CALN1: variants seen among roughly 807,000 people sequenced by gnomAD.
The protein encoded by CALN1 is calneuron 1.
In CALN1, 17 loss-of-function variants were observed where a neutral mutation model predicts 30.6. The observed-to-expected ratio is 0.56, with a 90% CI of 0.38 to 0.83. The LOEUF (loss-of-function observed/expected upper bound fraction) is 0.83. CALN1 is among the 40% of genes least tolerant of loss of function. The pLI is 0.00. For synonymous variants in CALN1, 156 were observed against 131.4 expected (o/e 1.19, Z -1.28); for missense variants, 291 against 354.9 (o/e 0.82, Z 1.45).
chr7:71,970,118 G>A (rs1797721959), intron 5 of CALN1, among the ~76,000 whole-genome samples: 1 of 152,098 alleles, frequency 6.6e-6, no homozygotes, highest in African/African-American at 2.4e-5. Flanking sequence ...GAAAGTGCTA[G>A]GATTACAGGC....
chr7:72,199,432 A>G (rs1791261382), intron 3 of CALN1, among the ~76,000 whole-genome samples: 1 of 152,320 alleles, frequency 6.6e-6, no homozygotes, highest in East Asian at 1.9e-4. Flanking sequence ...CTGGCCAAGC[A>G]CAGTGGCTCA....
intron 5 of CALN1, among the ~76,000 whole-genome samples, chr7:71,944,654 C>A (rs1747751361): frequency 6.7e-6 from 1 of 148,916 alleles, no homozygotes; most frequent in African/African-American, 2.5e-5. Context: ...AATAATTTAC[C>A]TATTGTGTCT....
chr7:71,956,314 G>A (rs1192080316), intron 5 of CALN1, among the ~76,000 whole-genome samples: 2 of 151,900 alleles, frequency 1.3e-5, no homozygotes, highest in East Asian at 3.9e-4. Flanking sequence ...TAGCAGAAAG[G>A]AACTTTGTTT....
intron 2 of CALN1, among the ~76,000 whole-genome samples, chr7:72,354,833 A>C (rs1225706512): frequency 6.6e-6 from 1 of 152,174 alleles, no homozygotes; most frequent in Non-Finnish European, 1.5e-5. Context: ...AAAGCCGCAA[A>C]ACTTTTAAAG....
chr7:72,445,352 C>G (rs1052968640), intron 1 of CALN1, among the ~76,000 whole-genome samples: 1 of 152,144 alleles, frequency 6.6e-6, no homozygotes, highest in African/African-American at 2.4e-5. Flanking sequence ...ACTCACCCGG[C>G]TAACCATGGC....
the CALN1 span, among the ~76,000 whole-genome samples, chr7:72,457,004 C>CTTTTTTTTTTTTTT: frequency 6.8e-4 from 72 of 106,540 alleles, no homozygotes; most frequent in East Asian, 1.4e-3. Flanking sequence ...TTCTTTCTTT[C>CTTTTTTTTTTTTTT]TTTTTTTTTT....
intron 2 of CALN1, among the ~76,000 whole-genome samples, chr7:72,311,646 C>T (rs1322765182): frequency 7.9e-6 from 1 of 126,058 alleles, no homozygotes; most frequent in East Asian, 2.4e-4. Flanking sequence ...CAACGCCTGG[C>T]TGAGATTTTT....
At chr7:72,317,889 G>A (rs369215342) in intron 2 of CALN1, among the ~76,000 whole-genome samples, 3 of 152,140 alleles carry the variant, frequency 2.0e-5, no homozygotes, top group East Asian at 3.9e-4. Flanking sequence ...GGACATGAAT[G>A]AACTGGAAAT....
chr7:71,906,094 C>A (rs1200568317), intron 5 of CALN1, among the ~76,000 whole-genome samples: 3 of 152,184 alleles, frequency 2.0e-5, no homozygotes, highest in African/African-American at 7.2e-5. Flanking sequence ...GTTCCTCCCT[C>A]AATATCTGGG....
chr7:72,184,504 G>C (rs779464179), intron 3 of CALN1, among the ~76,000 whole-genome samples: 9 of 152,200 alleles, frequency 5.9e-5, no homozygotes, highest in Non-Finnish European at 1.3e-4. Context: ...TAAGGTGCTT[G>C]ACACAGTTCT....
intron 2 of CALN1, among the ~76,000 whole-genome samples, chr7:72,401,211 A>G (rs1202475951): frequency 6.6e-6 from 1 of 152,186 alleles, no homozygotes; most frequent in Non-Finnish European, 1.5e-5. Context: ...TTCCCAACCA[A>G]AGAACTGAAG....
chr7:72,402,334 G>A (rs568996620), intron 2 of CALN1, among the ~76,000 whole-genome samples: 2 of 152,286 alleles, frequency 1.3e-5, no homozygotes, highest in African/African-American at 4.8e-5. Context: ...AACATCAGGA[G>A]CTCTAGTCAC....
At position 72,278,744 on chromosome 7, in the gene CALN1, C is replaced by G; in HGVS notation, c.186G>C (p.Ser62=). ...LLYKGNYLNR[S]LSAGSDSEQL... ...GTTCGCTGTCACTGCCAGCAGAGAG[C>G]GATCGGTTGAGGTAATTCCCCTTGT... Residue 62 remains serine, a synonymous_variant, in exon 3 of 7, where the codon TCG becomes TCC. Transcript: ENST00000395275. 1 of 1,614,038 alleles carries G rather than the reference C, an allele frequency of 6.2e-7. No homozygotes were observed. The highest frequency in any genetic ancestry group is 8.5e-7 in the Non-Finnish European group (1 of 1,179,980).
chr7:72,114,262 GGGAAGGGAAGGGAAGGGAAGGGAAGGGA>G (rs1807792060), intron 3 of CALN1, among the ~76,000 whole-genome samples: 6 of 66,264 alleles, frequency 9.1e-5, no homozygotes, highest in Admixed American at 1.8e-4. Flanking sequence ...GGGAAGGGAA[GGGAAGGGAAGGGAAGGGAAGGGAAGGGA>G]AGGGAAGGGA....
At chr7:72,000,230 G>T (rs12532869) in intron 5 of CALN1, among the ~76,000 whole-genome samples, 19,879 of 151,628 alleles carry the variant, frequency 0.13, 1,643 homozygotes, top group Middle Eastern at 0.21. Flanking sequence ...AAAAATCATT[G>T]AAACAAAAGC....
At chr7:72,189,229 T>C (rs1264880981) in intron 3 of CALN1, among the ~76,000 whole-genome samples, 1 of 152,186 alleles carries the variant, frequency 6.6e-6, no homozygotes, top group African/African-American at 2.4e-5. Flanking sequence ...TTCTGTCCTT[T>C]GGGGTTGATG....
intron 5 of CALN1, among the ~76,000 whole-genome samples, chr7:71,865,303 C>G (rs1251282367): frequency 6.6e-6 from 1 of 152,112 alleles, no homozygotes; most frequent in Non-Finnish European, 1.5e-5. Context: ...ATGTGTGACA[C>G]CTCCCCTCTC....
intron 1 of CALN1, among the ~76,000 whole-genome samples, chr7:72,407,439 T>C (rs1806777896): frequency 1.3e-5 from 2 of 152,138 alleles, no homozygotes; most frequent in Non-Finnish European, 2.9e-5. Context: ...CACGGGGGTG[T>C]ATTTTTCCCA....
At chr7:72,081,001 A>G (rs1027984201) in intron 4 of CALN1, among the ~76,000 whole-genome samples, 2 of 152,116 alleles carry the variant, frequency 1.3e-5, no homozygotes, top group African/African-American at 2.4e-5. Flanking sequence ...AATTGGTTTC[A>G]GATTTGCAAA....
Sources: allele counts gnomAD v4.1 joint callset (sites outside exome capture counted in the v4.1 genomes callset), GRCh38; gene constraint gnomAD v4.1.1; transcripts MANE v1.5; gene names NCBI Gene and HGNC (gene_info 2026-07-23, HGNC 2026-07-21).